The following RIMBP2 variants were observed in gnomAD, a reference collection of about 807,000 sequenced individuals.
RIMBP2 encodes the protein RIMS binding protein 2, also known as RIMS-binding protein 2.
In RIMBP2, 48 loss-of-function variants were observed where a neutral mutation model predicts 118.6. The observed-to-expected ratio is 0.40, with a 90% confidence interval of 0.32 to 0.51. The LOEUF (loss-of-function observed/expected upper bound fraction) is 0.51, where lower values mean the gene tolerates loss of function less well. Among genes scored for constraint, RIMBP2 ranks in the 20% least tolerant of loss-of-function variants. The pLI, the probability that RIMBP2 is intolerant of heterozygous loss-of-function variation, is 0.41. For missense variants in RIMBP2, 1,551 were observed against 1,768.3 expected (o/e 0.88, Z 2.20); for synonymous variants, 762 against 742.9 (o/e 1.03, Z -0.42).
At chr12:130,453,603 C>T (rs538593470) in intron 7 of RIMBP2, among the ~76,000 whole-genome samples, 6 of 152,222 alleles carry the variant, frequency 3.9e-5, no homozygotes, top group African/African-American at 9.6e-5. Context: ...ATGGCACGGA[C>T]GGCCCCCACT....
chr12:130,481,011 C>T (rs1032477919), intron 4 of RIMBP2, among the ~76,000 whole-genome samples: 4 of 152,110 alleles, frequency 2.6e-5, no homozygotes, highest in African/African-American at 7.2e-5. Context: ...TTCCTGAGGC[C>T]GCTGCCAACT....
At chr12:130,531,970 T>C (rs112339426) in intron 2 of RIMBP2, among the ~76,000 whole-genome samples, 3 of 110,684 alleles carry the variant, frequency 2.7e-5, no homozygotes, top group Non-Finnish European at 5.5e-5. Flanking sequence ...GAGATGCGTA[T>C]GTTTAGCCTC....
At chr12:130,615,203 ACAT>A (rs987526345) in intron 2 of RIMBP2, among the ~76,000 whole-genome samples, 61 of 145,158 alleles carry the variant, frequency 4.2e-4, no homozygotes, top group Admixed American at 7.1e-4. Context: ...TACAACATAT[ACAT>A]CATATTATAT....
intron 2 of RIMBP2, among the ~76,000 whole-genome samples, chr12:130,539,814 G>A (rs2054422182): frequency 9.4e-6 from 1 of 106,944 alleles, no homozygotes; most frequent in Admixed American, 1.0e-4. Flanking sequence ...GAGGTGGCCA[G>A]GTGTAGGATA....
At chr12:130,601,627 C>T (rs2059890495) in intron 2 of RIMBP2, among the ~76,000 whole-genome samples, 1 of 152,188 alleles carries the variant, frequency 6.6e-6, no homozygotes, top group African/African-American at 2.4e-5. Flanking sequence ...TTCCAGCACA[C>T]ATAGAATGCT....
chr12:130,449,417 C>G (rs974627141), intron 9 of RIMBP2, among the ~76,000 whole-genome samples: 1 of 152,236 alleles, frequency 6.6e-6, no homozygotes, highest in African/African-American at 2.4e-5. Flanking sequence ...TACCTCTCAG[C>G]GAGCACAAAC....
chr12:130,437,063 C>G lies in RIMBP2; in HGVS notation c.1885G>C (p.Asp629His). 6.4e-7 allele frequency: 1 copy of G among 1,574,128 alleles called. No homozygotes were observed. The highest frequency in any genetic ancestry group is 8.6e-7 in the Non-Finnish European group (1 of 1,157,006). The change falls in exon 13 of 23, where the codon GAC becomes CAC. Residue 629 changes from aspartate (D) to histidine (H), a missense_variant. By Grantham distance (81) the Asp-to-His change is moderately conservative. Coordinates refer to ENST00000690449, the MANE Select transcript of RIMBP2 (RefSeq NM_001393629.1). ...LASSGVPETKDEHLGPHARMD... is the reference protein window; with the variant it reads ...LASSGVPETKHEHLGPHARMD... ...CTGGCGTGGGGACCCAGGTGCTCGT[C>G]TTTGGTTTCGGGGACTCCAGAACTT... is the stretch of plus-strand genomic sequence containing the variant.
At chr12:130,591,615 C>G (rs1206079088) in intron 2 of RIMBP2, among the ~76,000 whole-genome samples, 1 of 152,234 alleles carries the variant, frequency 6.6e-6, no homozygotes, top group Non-Finnish European at 1.5e-5. Context: ...CTTCCAGCTT[C>G]TGGGGGCTGT....
chr12:130,659,570 A>G (rs2063567804), intron 1 of RIMBP2, among the ~76,000 whole-genome samples: 1 of 98,796 alleles, frequency 1.0e-5, no homozygotes, highest in South Asian at 3.5e-4. Flanking sequence ...CTCTGTCTCA[A>G]ACAAAAAAAA....
intron 18 of RIMBP2, 47 bp downstream of exon 18, chr12:130,414,078 C>A: frequency 1.9e-6 from 3 of 1,598,330 alleles, no homozygotes; most frequent in Non-Finnish European, 1.7e-6. Context: ...ATGACCCAGA[C>A]CCGCCTCAGG....
chr12:130,571,414 A>ACC (rs147790646), intron 2 of RIMBP2, among the ~76,000 whole-genome samples: 1 of 13,526 alleles, frequency 7.4e-5, no homozygotes. Flanking sequence ...ACCCATAGTA[A>ACC]CATTTTTTTT....
chr12:130,547,542 G>C (rs893410110), intron 2 of RIMBP2, among the ~76,000 whole-genome samples: 2 of 152,156 alleles, frequency 1.3e-5, no homozygotes, highest in Admixed American at 6.5e-5. Context: ...TCCATTTTGA[G>C]GCCTTGAGAC....
At chr12:130,646,440 T>TCAC (rs1305504375) in intron 1 of RIMBP2, among the ~76,000 whole-genome samples, 1 of 111,080 alleles carries the variant, frequency 9.0e-6, no homozygotes, top group Admixed American at 1.1e-4. Flanking sequence ...TCCACCTCCC[T>TCAC]TGCCACCTCC....
In RIMBP2 at chr12:130,582,134, C is replaced by G. The variant is rs570959797; in HGVS notation, c.-217+46188G>C. On this transcript the variant is annotated intron_variant, in intron 2 of 22. Transcript: ENST00000690449. Reference sequence around the variant, plus strand: ...AACCCCTCCACCTCCCTCCCTCCTCCTCTGCTGTCTCCATAGCACTCCCTA... The same window carrying G: ...AACCCCTCCACCTCCCTCCCTCCTCGTCTGCTGTCTCCATAGCACTCCCTA... Among the ~76,000 whole-genome samples, 5 of 152,340 alleles carry G rather than the reference C, an allele frequency of 3.3e-5. No individual in the cohort carries two copies. In the South Asian group the frequency reaches 1.0e-3, roughly 32 times the overall value.
chr12:130,629,016 T>C (rs1478603930), intron 1 of RIMBP2, among the ~76,000 whole-genome samples: 1 of 152,206 alleles, frequency 6.6e-6, no homozygotes, highest in Non-Finnish European at 1.5e-5. Context: ...CATCAAATAT[T>C]CAAAAACAAA....
At chr12:130,543,690 C>T (rs748549460) in intron 2 of RIMBP2, among the ~76,000 whole-genome samples, 32 of 151,402 alleles carry the variant, frequency 2.1e-4, no homozygotes, top group Middle Eastern at 3.4e-3. Flanking sequence ...AGGAACCCAA[C>T]GAGACAGCAC....
intron 4 of RIMBP2, among the ~76,000 whole-genome samples, chr12:130,488,398 AG>A (rs1332602868): frequency 2.0e-5 from 3 of 151,942 alleles, no homozygotes; most frequent in Non-Finnish European, 4.4e-5. Context: ...GGTGGATGGT[AG>A]GGGAAAAGAT....
rs557333282 is a variant in RIMBP2, at chr12:130,419,460, G to T, written c.3238+2993C>A. On this transcript the variant is annotated intron_variant, in intron 17 of 22. Transcript: ENST00000690449. This position sits in a 1 kb window ranked among gnomAD's most constrained non-coding sequence, Gnocchi z 4.3. ...CCTCACTACCTGGCCCAGACCGACTGCCCTCACTGCTACTGTCCGTTGTAA... is the reference window on the plus strand; with the variant it reads ...CCTCACTACCTGGCCCAGACCGACTTCCCTCACTGCTACTGTCCGTTGTAA... The T allele has an allele frequency of 6.6e-6, 1 of 152,354 alleles. No homozygotes were observed. The highest frequency in any genetic ancestry group is 2.4e-5 in the African/African-American group (1 of 41,578). The allele number at this position is 152,354 out of a possible 1,614,324, so 9.4% of individuals were successfully genotyped here.
At chr12:130,445,887 G>A (rs1441110252) in intron 9 of RIMBP2, among the ~76,000 whole-genome samples, 2 of 151,970 alleles carry the variant, frequency 1.3e-5, no homozygotes, top group Non-Finnish European at 2.9e-5. Flanking sequence ...ACATATTTTT[G>A]CACACTTCCA....
Sources: allele counts gnomAD v4.1 joint callset (sites outside exome capture counted in the v4.1 genomes callset), GRCh38; gene constraint gnomAD v4.1.1; non-coding constraint Gnocchi (gnomAD v3.1); transcripts MANE v1.5; gene names NCBI Gene and HGNC (gene_info 2026-07-23, HGNC 2026-07-21).